CAPN6: variants seen among roughly 807,000 people sequenced by gnomAD.
CAPN6 encodes calpain 6.
A neutral mutation model predicts 46.0 loss-of-function variants in CAPN6; 16 were observed. The observed-to-expected ratio is 0.35, with a 90% CI of 0.24 to 0.53. The LOEUF (loss-of-function observed/expected upper bound fraction) is 0.53, where lower values mean the gene tolerates loss of function less well. Among genes scored for constraint, CAPN6 ranks in the 20% least tolerant of loss-of-function variants. The pLI is 0.94. For synonymous variants in CAPN6, 206 were observed against 172.8 expected, an observed-to-expected ratio of 1.19 and a Z score of -1.51; for missense variants, 461 against 498.0, an observed-to-expected ratio of 0.93 and a Z score of 0.71.
rs1376412224 is a variant in CAPN6, at chrX:111,247,351, C to T, written c.1743+17G>A. On this transcript the variant is annotated intron_variant, in intron 12 of 12. Coordinates refer to ENST00000324068, the MANE Select transcript of CAPN6 (RefSeq NM_014289.4). ...CAAAGTATGAGCCTTTCTGGCGACC[C>T]CTGTACACACTCTTACCTGTACTAT... 1.7e-6 allele frequency: 2 copies of T among 1,193,547 alleles called. No individual in the cohort carries two copies. Among genetic ancestry groups the T allele is most frequent in the African/African-American group, 3.5e-5 (2 of 56,852 alleles).
Position 111,251,689 on chromosome X carries a change from G to A in CAPN6, c.753C>T (p.Gly251=). 8.3e-7 allele frequency: 1 copy of A among 1,210,363 alleles called. No homozygotes were observed. Among genetic ancestry groups the A allele is most frequent in the South Asian group, 1.8e-5 (1 of 56,840 alleles). ...EVETDWGLLK[G]HTYTMTDIRK... Reference sequence around the variant, plus strand: ...GAATATCAGTCATGGTATAGGTATGGCCCTTCAGCAGACCCCAATCAGTTT... The same window carrying A: ...GAATATCAGTCATGGTATAGGTATGACCCTTCAGCAGACCCCAATCAGTTT... Residue 251 remains glycine (G), a synonymous_variant, in exon 6 of 13, where the codon GGC becomes GGT. Transcript: ENST00000324068.
At position 111,251,376 on chromosome X, in the gene CAPN6, G is replaced by A. The variant is rs2094979347; in HGVS notation, c.894-90C>T. 3.1e-6 allele frequency: 3 copies of A among 982,183 alleles called. No homozygotes were observed. The African/African-American group carries it at 5.8e-5, about 19-fold the overall frequency. The allele number at this position is 982,183 out of a possible 1,213,427, so 80.9% of individuals were successfully genotyped here. On this transcript the variant is annotated intron_variant, in intron 6 of 12. Transcript: ENST00000324068. ...AAGTAGGATGCCAGAGAAACAGAGT[G>A]CATGAGGATCAGTCCTGCTTTATTT...
chrX:111,265,907 A>C (rs1196738592), intron 1 of CAPN6, among the ~76,000 whole-genome samples: 7 of 111,588 alleles, frequency 6.3e-5, no homozygotes, highest in Admixed American at 4.8e-4. Context: ...CTGTGTACAG[A>C]CAGAAGTAGC....
chrX:111,247,944 A>T lies in CAPN6; in HGVS notation c.1533T>A (p.Arg511=). ...MPKMSCWNLA[R]GYPKVVTQIT... ...TCTGAGTAACTACTTTCGGGTAGCC[A>T]CGAGCCAGGTTCCAGCAGGACATTT... The change falls in exon 11 of 13, where the codon CGT becomes CGA. Residue 511 remains arginine (R), a synonymous_variant. Coordinates refer to ENST00000324068, the MANE Select transcript of CAPN6 (RefSeq NM_014289.4). 1 of 1,210,779 alleles carries T rather than the reference A, an allele frequency of 8.3e-7. No individual in the cohort carries two copies.
chrX:111,253,251 C>T (rs1162529449), intron 3 of CAPN6, 35 bp from the exon 4 acceptor site: 3 of 1,046,765 alleles, frequency 2.9e-6, no homozygotes, highest in South Asian at 1.9e-5. Context: ...AAGTGTTATT[C>T]ACCAGACCAC....
intron 1 of CAPN6, among the ~76,000 whole-genome samples, chrX:111,267,069 A>G (rs1413781063): frequency 9.0e-6 from 1 of 111,293 alleles, no homozygotes; most frequent in Non-Finnish European, 1.9e-5. Context: ...AGAAGGGAAC[A>G]CTCCCTCCTT....
Position 111,252,616 on chromosome X carries a change from G to A in CAPN6, c.507-117C>T, listed in dbSNP as rs2094980637. ...ACTTTACCAGATGGCTTTTCTCTAGGTATGAAATGAGAGATGTTTTGAAAT... is the reference window on the plus strand; with the variant it reads ...ACTTTACCAGATGGCTTTTCTCTAGATATGAAATGAGAGATGTTTTGAAAT... On this transcript the variant is annotated intron_variant, in intron 4 of 12. Transcript: ENST00000324068. The A allele has an allele frequency of 2.1e-5, 11 of 536,248 alleles. No homozygotes were observed. The East Asian group carries it at 2.2e-4, about 11-fold the overall frequency. 44.2% of individuals were successfully genotyped at this position (536,248 alleles called of 1,213,427 possible).
At chrX:111,267,040 T>C (rs981671323) in intron 1 of CAPN6, among the ~76,000 whole-genome samples, 5 of 112,002 alleles carry the variant, frequency 4.5e-5, no homozygotes, top group Non-Finnish European at 7.5e-5. Flanking sequence ...ACTTACTCTG[T>C]TGGAACGGAT....
At chrX:111,265,229 A>G (rs1170462668) in intron 1 of CAPN6, among the ~76,000 whole-genome samples, 1 of 112,527 alleles carries the variant, frequency 8.9e-6, no homozygotes, top group East Asian at 2.8e-4. Flanking sequence ...TCAGTATCAC[A>G]TTGAAATGCC....
rs1569480860 is a variant in CAPN6, at chrX:111,250,951, T to C, written c.1124A>G (p.Tyr375Cys). The C allele has an allele frequency of 8.3e-7, 1 of 1,211,149 alleles. No homozygotes were observed. Among genetic ancestry groups the C allele is most frequent in the Non-Finnish European group, 1.1e-6 (1 of 895,316 alleles). ...CTGCAGGAAGGTATCACGGTTGTTA[T>C]AGCAGCCTCCTGAGCGGTTCATCAG... ...DPLMNRSGGCYNNRDTFLQNP... is the reference protein window; with the variant it reads ...DPLMNRSGGCCNNRDTFLQNP... The change falls in exon 8 of 13, where the codon TAT becomes TGT. Residue 375 changes from tyrosine (Y) to cysteine (C), a missense_variant. By Grantham distance (194) the Tyr-to-Cys change is radical. Transcript: ENST00000324068.
Position 111,249,072 on chromosome X carries a change from C to G in CAPN6, c.1159-15G>C. The G allele has an allele frequency of 1.6e-5, 19 of 1,208,645 alleles. No individual in the cohort carries two copies. Among genetic ancestry groups the G allele is most frequent in the Non-Finnish European group, 2.0e-5 (18 of 893,756 alleles). ...GTGAAGATGTACTAAGGGAAAGAGA[C>G]CACCACAGAGGTGAGTTAGCATTCC... On this transcript the variant is annotated splice_polypyrimidine_tract_variant and intron_variant, in intron 8 of 12. Transcript: ENST00000324068.
At chrX:111,260,336 A>C (rs897756480) in intron 2 of CAPN6, among the ~76,000 whole-genome samples, 1 of 113,123 alleles carries the variant, frequency 8.8e-6, no homozygotes, top group African/African-American at 3.2e-5. Context: ...TTAAACTATC[A>C]GTGGTGTTTG....
chrX:111,252,965 TC>T (rs756071885), intron 4 of CAPN6, 42 bp downstream of exon 4: 2 of 1,080,952 alleles, frequency 1.9e-6, no homozygotes, highest in Non-Finnish European at 2.5e-6. Flanking sequence ...GGCTTTCCTT[TC>T]CTCATGTACC....
chrX:111,246,424 A>T lies in CAPN6; in HGVS notation c.*153T>A. 8.2e-6 allele frequency: 4 copies of T among 489,046 alleles called. No homozygotes were observed. The highest frequency in any genetic ancestry group is 1.4e-5 in the Non-Finnish European group (4 of 292,294). The allele number at this position is 489,046 out of a possible 1,213,427, so 40.3% of individuals were successfully genotyped here. ...TTATGTAGCTACAGATGCTACTTGG[A>T]TTGGGAGGTATGGGGAATTTATCAG... On this transcript the variant is annotated 3_prime_UTR_variant, in exon 13 of 13. Transcript: ENST00000324068.
chrX:111,255,702 A>G, intron 2 of CAPN6, among the ~76,000 whole-genome samples: 1 of 112,026 alleles, frequency 8.9e-6, no homozygotes, highest in South Asian at 3.8e-4. Flanking sequence ...GAAACATTCC[A>G]TATATTCTTT....
chrX:111,265,803 T>C (rs189934965), intron 1 of CAPN6, among the ~76,000 whole-genome samples: 2 of 111,753 alleles, frequency 1.8e-5, no homozygotes, highest in Non-Finnish European at 3.8e-5. Context: ...TAAATGAGTA[T>C]TTCCTGTTCT....
rs759832184 is a variant in CAPN6 at position 111,246,308 on chromosome X, C to G, written c.*269G>C. ...TATTGTCCTACTTGAATCTCACCCC[C>G]GGAAGCCCCAGAGATCCTTTCTTGG... On this transcript the variant is annotated 3_prime_UTR_variant, in exon 13 of 13. Transcript: ENST00000324068. 3.0e-6 allele frequency: 1 copy of G among 330,047 alleles called. No homozygotes were observed. Among genetic ancestry groups the G allele is most frequent in the East Asian group, 5.2e-5 (1 of 19,399 alleles). 27.2% of individuals were successfully genotyped at this position (330,047 alleles called of 1,213,427 possible).
chrX:111,252,272 T>G, intron 5 of CAPN6, 35 bp downstream of exon 5: 125 of 1,048,888 alleles, frequency 1.2e-4, no homozygotes, highest in Non-Finnish European at 1.4e-4. Context: ...CTGCCAGGAA[T>G]GAGTATACAG....
intron 1 of CAPN6, among the ~76,000 whole-genome samples, chrX:111,269,416 T>G (rs1208265869): frequency 1.8e-5 from 2 of 112,449 alleles, no homozygotes; most frequent in Non-Finnish European, 3.7e-5. Context: ...GATTAGCAAA[T>G]GAGGCATTAG....
Sources: gnomAD v4.1 joint callset for allele counts (sites outside exome capture counted in the v4.1 genomes callset) on GRCh38, gnomAD v4.1.1 for gene constraint, MANE v1.5 for transcripts, NCBI Gene and HGNC (gene_info 2026-07-23, HGNC 2026-07-21) for gene names.